MYO1D: variants seen among roughly 807,000 people sequenced by gnomAD.
The protein encoded by MYO1D is myosin ID, also known as unconventional myosin-Id.
In MYO1D, 83 loss-of-function variants were observed where a neutral mutation model predicts 122.0. The observed-to-expected ratio is 0.68, with a 90% CI of 0.57 to 0.82. MYO1D has a LOEUF of 0.82. Ranked by LOEUF, MYO1D falls within the 40% of genes least tolerant of loss-of-function variation. The pLI is 0.00. For synonymous variants in MYO1D, 464 were observed against 446.9 expected, an observed-to-expected ratio of 1.04 and a Z score of -0.48; for missense variants, 1,157 against 1,269.5, an observed-to-expected ratio of 0.91 and a Z score of 1.35.
In MYO1D at chr17:32,772,713, G is replaced by A. The variant is rs1346495950; in HGVS notation, c.618+76C>T. On this transcript the variant is annotated intron_variant, in intron 5 of 21. Coordinates refer to ENST00000318217, the MANE Select transcript of MYO1D (RefSeq NM_015194.3). Reference sequence around the variant, plus strand: ...GAGATGAGTGATGCATAGGACAGGGGAAAGCCCAAGACACAAATACTCATT... The same window carrying A: ...GAGATGAGTGATGCATAGGACAGGGAAAAGCCCAAGACACAAATACTCATT... 2.4e-6 allele frequency: 3 copies of A among 1,254,142 alleles called. No individual in the cohort carries two copies. In the East Asian group the frequency reaches 7.0e-5, roughly 29 times the overall value. 77.7% of individuals were successfully genotyped at this position (1,254,142 alleles called of 1,614,324 possible).
chr17:32,588,331 A>G lies in MYO1D; in HGVS notation c.2864+16756T>C, dbSNP rs571675255. On this transcript the variant is annotated intron_variant, in intron 21 of 21. Transcript: ENST00000318217. ...TCCCTTTAAGGGCACGATGCCTGAT[A>G]AAAGACACACGTGCTTGCTAGTTCT... 9.2e-5 allele frequency among the ~76,000 whole-genome samples: 14 copies of G among 152,352 alleles called. No individual in the cohort carries two copies. In the East Asian group the frequency reaches 2.7e-3, roughly 29 times the overall value.
chr17:32,813,444 C>CT (rs1323573959), intron 1 of MYO1D, among the ~76,000 whole-genome samples: 1 of 152,116 alleles, frequency 6.6e-6, no homozygotes, highest in Non-Finnish European at 1.5e-5. Context: ...GAAGTAACAT[C>CT]TAAGTTGAAA....
intron 1 of MYO1D, among the ~76,000 whole-genome samples, chr17:32,824,888 T>C (rs1345719542): frequency 6.6e-6 from 1 of 152,208 alleles, no homozygotes; most frequent in African/African-American, 2.4e-5. Flanking sequence ...TGCTTGCATG[T>C]CCTGGAAGGA....
At chr17:32,658,998 AGGT>A in intron 17 of MYO1D, 114 bp downstream of exon 17, 1 of 963,022 alleles carries the variant, frequency 1.0e-6, no homozygotes, top group South Asian at 1.6e-5. Flanking sequence ...CATAAGGTAA[AGGT>A]AAATGTCATA....
intron 20 of MYO1D, among the ~76,000 whole-genome samples, chr17:32,634,990 C>G (rs533719944): frequency 5.9e-5 from 9 of 152,266 alleles, no homozygotes; most frequent in African/African-American, 1.9e-4. Context: ...TAGGAATTAT[C>G]CATGCCATAC....
chr17:32,687,863 G>A (rs2089040474), intron 16 of MYO1D, among the ~76,000 whole-genome samples: 1 of 152,126 alleles, frequency 6.6e-6, no homozygotes, highest in Non-Finnish European at 1.5e-5. Context: ...TAAGACTACT[G>A]GGTACAGGGC....
chr17:32,844,026 C>T (rs957947928), intron 1 of MYO1D, among the ~76,000 whole-genome samples: 3 of 150,908 alleles, frequency 2.0e-5, no homozygotes, highest in Non-Finnish European at 3.0e-5. Flanking sequence ...CATATATATA[C>T]ACATACATAC....
intron 19 of MYO1D, among the ~76,000 whole-genome samples, chr17:32,639,615 C>T (rs1317303057): frequency 6.6e-6 from 1 of 152,068 alleles, no homozygotes; most frequent in Non-Finnish European, 1.5e-5. Flanking sequence ...TGACTCAGTG[C>T]AGCCTCAAAC....
In MYO1D at chr17:32,767,078, A is replaced by C. The variant is rs183478556; in HGVS notation, c.831+558T>G. 1.7e-3 allele frequency among the ~76,000 whole-genome samples: 254 copies of C among 152,312 alleles called. 1 individual carries two copies. The highest frequency in any genetic ancestry group is 5.9e-3 in the African/African-American group (245 of 41,566). On this transcript the variant is annotated intron_variant, in intron 7 of 21. Transcript: ENST00000318217. ...TATTGTAAGATTATATGTTCAGTGT[A>C]TTTTAAGTATCTCTAATTATATAAA...
chr17:32,655,632 G>A (rs775471520), intron 17 of MYO1D, among the ~76,000 whole-genome samples: 12 of 152,134 alleles, frequency 7.9e-5, no homozygotes, highest in East Asian at 1.9e-4. Flanking sequence ...TGCTTGGTGC[G>A]TCAGAGGAGC....
At chr17:32,806,805 T>C (rs2090517725) in intron 1 of MYO1D, among the ~76,000 whole-genome samples, 2 of 152,222 alleles carry the variant, frequency 1.3e-5, no homozygotes, top group Admixed American at 6.5e-5. Flanking sequence ...AGTCTGTTCC[T>C]TGCTTGTTCA....
chr17:32,636,916 C>T (rs549730231), intron 20 of MYO1D, among the ~76,000 whole-genome samples: 248 of 152,306 alleles, frequency 1.6e-3, no homozygotes, highest in African/African-American at 5.7e-3. Context: ...GAATACGAGA[C>T]GGTATGGGCA....
At chr17:32,520,792 C>T (rs1910107456) in intron 21 of MYO1D, among the ~76,000 whole-genome samples, 2 of 152,254 alleles carry the variant, frequency 1.3e-5, no homozygotes, top group Admixed American at 1.3e-4. Context: ...GGCCTTGACA[C>T]AGCCACTGAC....
chr17:32,662,453 A>C (rs146330766), intron 16 of MYO1D, among the ~76,000 whole-genome samples: 385 of 152,302 alleles, frequency 2.5e-3, no homozygotes, highest in African/African-American at 8.9e-3. Flanking sequence ...TGGGCGGATC[A>C]CAAGGTCAGG....
chr17:32,839,626 G>A (rs1487210273), intron 1 of MYO1D, among the ~76,000 whole-genome samples: 2 of 152,130 alleles, frequency 1.3e-5, no homozygotes, highest in Non-Finnish European at 2.9e-5. Context: ...GGAAGCATGG[G>A]GAAGGAAGCT....
intron 20 of MYO1D, among the ~76,000 whole-genome samples, chr17:32,609,712 C>T (rs1232034151): frequency 1.3e-5 from 2 of 151,964 alleles, no homozygotes; most frequent in Non-Finnish European, 2.9e-5. Flanking sequence ...CCCATGAATA[C>T]ATTTTCATAG....
In MYO1D at chr17:32,691,509, C is replaced by T. The variant is rs373982926; in HGVS notation, c.2121+20479G>A. ...GCAACCTCTGCCTCCTGGGTTCAAGCGATTCTCCTGCCTCAGCCTCCCGAG... is the reference window on the plus strand; with the variant it reads ...GCAACCTCTGCCTCCTGGGTTCAAGTGATTCTCCTGCCTCAGCCTCCCGAG... On this transcript the variant is annotated intron_variant, in intron 16 of 21. Coordinates refer to ENST00000318217, the MANE Select transcript of MYO1D (RefSeq NM_015194.3). Among the ~76,000 whole-genome samples, 10 of 149,784 alleles carry T rather than the reference C, an allele frequency of 6.7e-5. No individual in the cohort carries two copies. The East Asian group carries it at 1.2e-3, about 18-fold the overall frequency.
chr17:32,573,222 A>G lies in MYO1D; in HGVS notation c.2864+31865T>C, dbSNP rs577769020. ...TATTCACTATTTAAATAATGTCCCC[A>G]AATATGTTCTATTTTCTTGCTTGGA... On this transcript the variant is annotated intron_variant, in intron 21 of 21. Transcript: ENST00000318217. Among the ~76,000 whole-genome samples, 6 of 152,276 alleles carry G rather than the reference A, an allele frequency of 3.9e-5. No homozygotes were observed. The East Asian group carries it at 1.2e-3, about 29-fold the overall frequency.
At chr17:32,857,253 C>T (rs2091034243) in intron 1 of MYO1D, among the ~76,000 whole-genome samples, 1 of 152,174 alleles carries the variant, frequency 6.6e-6, no homozygotes, top group Non-Finnish European at 1.5e-5. Flanking sequence ...CTAATCCTGT[C>T]TTCCCAACTG....
Sources: allele counts gnomAD v4.1 joint callset (sites outside exome capture counted in the v4.1 genomes callset), GRCh38; gene constraint gnomAD v4.1.1; transcripts MANE v1.5; gene names NCBI Gene and HGNC (gene_info 2026-07-23, HGNC 2026-07-21).